The following HHAT variants were observed in gnomAD, a reference collection of about 807,000 sequenced individuals.
HHAT encodes the protein protein-cysteine N-palmitoyltransferase HHAT.
In HHAT, 47 loss-of-function variants were observed where a neutral mutation model predicts 70.8. The observed-to-expected ratio is 0.66, with a 90% CI of 0.53 to 0.85. The LOEUF is 0.85. Ranked by LOEUF, HHAT falls within the 40% of genes least tolerant of loss-of-function variation. The pLI is 0.00. For synonymous variants in HHAT, 228 were observed against 247.6 expected (o/e 0.92, Z 0.74); for missense variants, 609 against 604.8 (o/e 1.01, Z -0.07).
chr1:210,591,265 GT>G (rs1446852193), intron 10 of HHAT, among the ~76,000 whole-genome samples: 1 of 152,020 alleles, frequency 6.6e-6, no homozygotes, highest in African/African-American at 2.4e-5. Flanking sequence ...AAGTTCAGTT[GT>G]TTTAATTTTT....
intron 9 of HHAT, among the ~76,000 whole-genome samples, chr1:210,538,585 G>A (rs2095397957): frequency 6.6e-6 from 1 of 152,226 alleles, no homozygotes; most frequent in South Asian, 2.1e-4. Flanking sequence ...AGTGACACTT[G>A]AAAATACTCC....
intron 1 of HHAT, chr1:210,329,591 C>A (rs536835324): frequency 7.6e-6 from 4 of 528,428 alleles, no homozygotes; most frequent in East Asian, 2.9e-4. Flanking sequence ...TCCCGCTAAT[C>A]CTCACCAGAG....
chr1:210,556,276 A>G (rs2095571805), intron 9 of HHAT, among the ~76,000 whole-genome samples: 1 of 152,046 alleles, frequency 6.6e-6, no homozygotes, highest in African/African-American at 2.4e-5. Flanking sequence ...GATTTTCTTA[A>G]AGATTCAAAC....
At chr1:210,540,895 C>T (rs1167934847) in intron 9 of HHAT, among the ~76,000 whole-genome samples, 4 of 151,732 alleles carry the variant, frequency 2.6e-5, no homozygotes, top group African/African-American at 9.7e-5. Context: ...GGCTGGAGTG[C>T]GGTGGTGCAA....
At chr1:210,373,777 G>A (rs2089797812) in intron 3 of HHAT, among the ~76,000 whole-genome samples, 1 of 152,182 alleles carries the variant, frequency 6.6e-6, no homozygotes, top group Non-Finnish European at 1.5e-5. Context: ...TTGTTACTAG[G>A]TAGATAGATA....
rs567216884 is a variant in HHAT at position 210,328,932 on chromosome 1, C to T, written c.-216C>T. On this transcript the variant is annotated 5_prime_UTR_variant, in exon 1 of 12. In the 5' UTR this introduces an upstream ATG that the reference lacks. Coordinates refer to ENST00000261458, the MANE Select transcript of HHAT (RefSeq NM_018194.6). ...CGGCGGCAGGGGCGTGCTCGGAGGACGCGCGCTGCGCTGCTCCTCCAAAGG... is the reference window on the plus strand; with the variant it reads ...CGGCGGCAGGGGCGTGCTCGGAGGATGCGCGCTGCGCTGCTCCTCCAAAGG... 70 of 1,061,394 alleles carry T rather than the reference C, an allele frequency of 6.6e-5. No individual in the cohort carries two copies. Among genetic ancestry groups the T allele is most frequent in the Non-Finnish European group, 8.4e-5 (69 of 825,736 alleles). The allele number at this position is 1,061,394 out of a possible 1,614,324, so 65.7% of individuals were successfully genotyped here.
chr1:210,517,099 G>A (rs1189074867), intron 9 of HHAT, among the ~76,000 whole-genome samples: 8 of 152,266 alleles, frequency 5.3e-5, no homozygotes, highest in Non-Finnish European at 1.0e-4. Flanking sequence ...CCTACTGGCT[G>A]GAGTTCTTAA....
At chr1:210,551,112 A>G (rs1318899075) in intron 9 of HHAT, among the ~76,000 whole-genome samples, 1 of 149,004 alleles carries the variant, frequency 6.7e-6, no homozygotes, top group Non-Finnish European at 1.5e-5. Context: ...GGGTTTTTAT[A>G]AAAGAACTCC....
At chr1:210,561,857 A>G (rs1231837521) in intron 9 of HHAT, among the ~76,000 whole-genome samples, 2 of 151,972 alleles carry the variant, frequency 1.3e-5, no homozygotes, top group Non-Finnish European at 2.9e-5. Context: ...CTGAGGATAC[A>G]CTCCCTGAAG....
intron 10 of HHAT, 193 bp downstream of exon 10, chr1:210,588,292 G>GGT (rs1340982451): frequency 2.1e-5 from 12 of 563,382 alleles, no homozygotes; most frequent in Admixed American, 3.3e-5. Context: ...TTTGTGCATG[G>GGT]GTGTGTGTGT....
intron 11 of HHAT, among the ~76,000 whole-genome samples, chr1:210,671,144 C>T (rs1679990317): frequency 6.6e-6 from 1 of 152,158 alleles, no homozygotes; most frequent in South Asian, 2.1e-4. Flanking sequence ...CTGTGCAATG[C>T]CCCAGGCCTA....
chr1:210,540,538 C>G (rs2095419772), intron 9 of HHAT, among the ~76,000 whole-genome samples: 1 of 150,354 alleles, frequency 6.7e-6, no homozygotes, highest in African/African-American at 2.4e-5. Flanking sequence ...CTCTCTCTCT[C>G]TAACTCACCC....
At chr1:210,347,559 T>G (rs1420999987) in intron 1 of HHAT, among the ~76,000 whole-genome samples, 1 of 152,248 alleles carries the variant, frequency 6.6e-6, no homozygotes, top group African/African-American at 2.4e-5. Flanking sequence ...TCTTTGTTAC[T>G]TGGAACATTT....
intron 7 of HHAT, among the ~76,000 whole-genome samples, chr1:210,458,013 T>C (rs1300264222): frequency 6.6e-6 from 1 of 152,170 alleles, no homozygotes; most frequent in Non-Finnish European, 1.5e-5. Context: ...GTGATACAGA[T>C]AATAGAATAC....
At chr1:210,668,601 C>T (rs1307134890) in intron 11 of HHAT, among the ~76,000 whole-genome samples, 2 of 152,150 alleles carry the variant, frequency 1.3e-5, no homozygotes, top group African/African-American at 4.8e-5. Flanking sequence ...AACTGTGAAT[C>T]CATTAAACCT....
chr1:210,524,084 CA>C (rs544572995), intron 9 of HHAT, among the ~76,000 whole-genome samples: 2 of 151,970 alleles, frequency 1.3e-5, no homozygotes, highest in African/African-American at 2.4e-5. Context: ...TGATGGTTGC[CA>C]GGGGGTGGGG....
At chr1:210,557,419 C>A (rs1034571945) in intron 9 of HHAT, among the ~76,000 whole-genome samples, 1 of 152,164 alleles carries the variant, frequency 6.6e-6, no homozygotes, top group Non-Finnish European at 1.5e-5. Context: ...GCCTGACGAT[C>A]AGAACCTAAG....
At chr1:210,505,592 A>G (rs2094839173) in intron 8 of HHAT, among the ~76,000 whole-genome samples, 1 of 152,182 alleles carries the variant, frequency 6.6e-6, no homozygotes, top group South Asian at 2.1e-4. Context: ...TCTTGAGTCT[A>G]GGTATAAACT....
intron 4 of HHAT, among the ~76,000 whole-genome samples, chr1:210,396,192 C>T (rs945490924): frequency 8.5e-5 from 13 of 152,262 alleles, no homozygotes; most frequent in African/African-American, 1.4e-4. Context: ...TTAAACACTT[C>T]CCCTCTTCCC....
Sources: gnomAD v4.1 joint callset for allele counts (sites outside exome capture counted in the v4.1 genomes callset) on GRCh38, gnomAD v4.1.1 for gene constraint, MANE v1.5 for transcripts, NCBI Gene and HGNC (gene_info 2026-07-23, HGNC 2026-07-21) for gene names.